Variants in RELA observed in about 807,000 individuals in gnomAD.
The protein encoded by RELA is transcription factor p65.
A neutral mutation model predicts 56.7 loss-of-function variants in RELA; 14 were observed. That is an observed-to-expected ratio of 0.25 (90% confidence interval 0.16 to 0.39). RELA has a LOEUF of 0.39. Ranked by LOEUF, RELA falls within the 10% of genes least tolerant of loss-of-function variation. The pLI, the probability that RELA is intolerant of heterozygous loss-of-function variation, is 1.00. For synonymous variants in RELA, 315 were observed against 289.7 expected (o/e 1.09, Z -0.89); for missense variants, 559 against 736.4 (o/e 0.76, Z 2.79).
chr11:65,660,465 C>G, intron 4 of RELA: 1 of 561,664 alleles, frequency 1.8e-6, no homozygotes, highest in Non-Finnish European at 3.2e-6. Flanking sequence ...CTTTTCCACT[C>G]TCTAAACACA....
upstream of RELA, among the ~76,000 whole-genome samples, chr11:65,663,316 C>T (rs77113330): frequency 4.2e-3 from 642 of 152,350 alleles, 3 homozygotes; most frequent in Non-Finnish European, 7.0e-3. Context: ...GCCTTCTGCT[C>T]CGCAGAGGCC....
chr11:65,654,408 G>T lies in RELA; in HGVS notation c.1626C>A (p.Phe542Leu), dbSNP rs1227655115. 6.2e-7 allele frequency: 1 copy of T among 1,612,714 alleles called. No individual in the cohort carries two copies. Among genetic ancestry groups the T allele is most frequent in the East Asian group, 2.2e-5 (1 of 44,852 alleles). The change falls in exon 11 of 11, where the codon TTC (phenylalanine) becomes TTA (leucine). Residue 542 changes from phenylalanine (F) to leucine (L), a missense_variant. Transcript: ENST00000406246. ...AGCTGATCTGACTCAGCAGGGCTGA[G>T]AAGTCCATGTCCGCAATGGAGGAGA... Reference protein sequence around the residue: ...EDFSSIADMDFSALLSQISS With the variant: ...EDFSSIADMDLSALLSQISS
intron 1 of RELA, chr11:65,662,523 C>T (rs1484913316): frequency 1.1e-5 from 5 of 449,618 alleles, no homozygotes; most frequent in Non-Finnish European, 1.9e-5. Flanking sequence ...ATGCGTTCTC[C>T]CCTAATAGGG....
chr11:65,659,316 C>G (rs911115310), intron 6 of RELA, among the ~76,000 whole-genome samples: 3 of 152,326 alleles, frequency 2.0e-5, no homozygotes, highest in South Asian at 4.1e-4. Flanking sequence ...GGGCTTCCAT[C>G]ACTGAATCAT....
At chr11:65,659,842 A>G in intron 5 of RELA, 45 bp from the exon 6 acceptor site, 8 of 1,574,504 alleles carry the variant, frequency 5.1e-6, no homozygotes, top group Non-Finnish European at 6.9e-6. Flanking sequence ...AAGTGGGGAT[A>G]TAGGTGCTAT....
intron 8 of RELA, among the ~76,000 whole-genome samples, chr11:65,657,218 C>G (rs1381890521): frequency 6.6e-6 from 1 of 152,164 alleles, no homozygotes; most frequent in Non-Finnish European, 1.5e-5. Context: ...GAGGCAACAG[C>G]TAGACACAGG....
In RELA at chr11:65,655,015, C is replaced by G. The variant is rs200549745; in HGVS notation, c.1034-15G>C. ...GGGCTGGGGTGCTGGAGGAGAGAGA[C>G]AGAGAGGCAGGGGTCAGAGAAAGCC... On this transcript the variant is annotated splice_polypyrimidine_tract_variant and intron_variant, in intron 10 of 10. Coordinates refer to ENST00000406246, the MANE Select transcript of RELA (RefSeq NM_021975.4). 1,845 of 1,580,222 alleles carry G rather than the reference C, an allele frequency of 1.2e-3. 13 individuals carry two copies. Among genetic ancestry groups the G allele is most frequent in the Middle Eastern group, 8.0e-3 (48 of 6,008 alleles).
In RELA at chr11:65,654,827, G is replaced by C. The variant is rs1263055359; in HGVS notation, c.1207C>G (p.Leu403Val). 4.5e-6 allele frequency: 7 copies of C among 1,548,804 alleles called. No homozygotes were observed. The African/African-American group carries it at 8.2e-5, about 18-fold the overall frequency. Residue 403 changes from leucine to valine, a missense_variant, in exon 11 of 11, where the codon CTG becomes GTG. Leu to Val is a conservative substitution (Grantham distance 32). Coordinates refer to ENST00000406246, the MANE Select transcript of RELA (RefSeq NM_021975.4). Reference sequence around the variant, plus strand: ...GGGACAGGGGCTGGGGCCTGGGCCAGAGCTGATACCATGGCTGGAGCAGGG... The same window carrying C: ...GGGACAGGGGCTGGGGCCTGGGCCACAGCTGATACCATGGCTGGAGCAGGG... The part of the protein sequence containing the change: ...PAPAPAMVSA[L>V]AQAPAPVPVL...
At chr11:65,662,256 C>G (rs1767759879) in intron 1 of RELA, 51 bp from the exon 2 acceptor site, 2 of 1,492,690 alleles carry the variant, frequency 1.3e-6, no homozygotes, top group South Asian at 2.8e-5. Context: ...CCCATTCTCA[C>G]AAGGAGGAAT....
At position 65,662,698 on chromosome 11, in the gene RELA, C is replaced by T. The variant is rs529211253; in HGVS notation, c.7+128G>A. ...GCCTGCCCCGCCCCGCGCCACCATC[C>T]GGCAGGCCGACCGCTCCCTGCGCAG... On this transcript the variant is annotated intron_variant, in intron 1 of 10. Transcript: ENST00000406246. 5.6e-6 allele frequency: 4 copies of T among 718,406 alleles called. No individual in the cohort carries two copies. In the African/African-American group the frequency reaches 5.6e-5, roughly 10 times the overall value. 44.5% of individuals were successfully genotyped at this position (718,406 alleles called of 1,614,324 possible).
chr11:65,661,101 C>T (rs1261521256), intron 4 of RELA, among the ~76,000 whole-genome samples: 5 of 150,510 alleles, frequency 3.3e-5, no homozygotes, highest in African/African-American at 1.2e-4. Flanking sequence ...GTGGTGCAAT[C>T]ATAGCTTGCC....
At position 65,662,841 on chromosome 11, in the gene RELA, T is replaced by A; in HGVS notation, c.-9A>T. 8.4e-7 allele frequency: 1 copy of A among 1,197,046 alleles called. No individual in the cohort carries two copies. The highest frequency in any genetic ancestry group is 1.6e-5 in the African/African-American group (1 of 62,936). The allele number at this position is 1,197,046 out of a possible 1,614,324, so 74.2% of individuals were successfully genotyped here. A position where few individuals can be genotyped will look rare whatever the true frequency, so the allele number is the denominator to read the frequency against. On this transcript the variant is annotated 5_prime_UTR_variant, in exon 1 of 11. Coordinates refer to ENST00000406246, the MANE Select transcript of RELA (RefSeq NM_021975.4). ...GCGACCTCACCGTCCATGGCCGGGG[T>A]CCCGGGGGCGGGGCCGGGGTCGCAG...
chr11:65,656,197 G>A (rs1005621973), intron 8 of RELA, among the ~76,000 whole-genome samples: 21 of 152,330 alleles, frequency 1.4e-4, no homozygotes, highest in African/African-American at 4.8e-4. Flanking sequence ...GCAAAGAGGA[G>A]ACCTGGGGGG....
chr11:65,663,417 C>T (rs2135578219), upstream of RELA, among the ~76,000 whole-genome samples: 1 of 152,314 alleles, frequency 6.6e-6, no homozygotes, highest in East Asian at 1.9e-4. Context: ...TCCTACCCAC[C>T]CCAATCTAGA....
chr11:65,656,341 CTCTTAT>C (rs934369544), intron 8 of RELA, among the ~76,000 whole-genome samples: 5 of 152,326 alleles, frequency 3.3e-5, no homozygotes, highest in African/African-American at 1.2e-4. Flanking sequence ...TCAGCAGAGA[CTCTTAT>C]TCTTATCTCT....
In RELA at chr11:65,662,847, G is replaced by T; in HGVS notation, c.-15C>A. 1 of 1,194,998 alleles carries T rather than the reference G, an allele frequency of 8.4e-7. No individual in the cohort carries two copies. Among genetic ancestry groups the T allele is most frequent in the Non-Finnish European group, 1.0e-6 (1 of 964,206 alleles). The allele number at this position is 1,194,998 out of a possible 1,614,324, so 74.0% of individuals were successfully genotyped here. On this transcript the variant is annotated 5_prime_UTR_variant, in exon 1 of 11. Coordinates refer to ENST00000406246, the MANE Select transcript of RELA (RefSeq NM_021975.4). ...TCACCGTCCATGGCCGGGGTCCCGG[G>T]GGCGGGGCCGGGGTCGCAGCTGGGC... is the stretch of plus-strand genomic sequence containing the variant.
upstream of RELA, chr11:65,663,111 G>A: frequency 4.2e-6 from 1 of 237,280 alleles, no homozygotes; most frequent in South Asian, 1.8e-4. Context: ...CGTGCCCGGT[G>A]GCTCGGCTAG....
intron 8 of RELA, 75 bp from the exon 9 acceptor site, chr11:65,656,010 A>C: frequency 8.0e-7 from 1 of 1,251,980 alleles, no homozygotes. Context: ...GTCCCTCAGG[A>C]GGAAGGGGAG....
intron 9 of RELA, 33 bp from the exon 10 acceptor site, chr11:65,655,795 C>G (rs370590730): frequency 1.9e-6 from 3 of 1,613,252 alleles, no homozygotes; most frequent in East Asian, 2.2e-5. Flanking sequence ...GTTCTCAGCC[C>G]CAGGGTGTCC....
Sources: gnomAD v4.1 joint callset for allele counts (sites outside exome capture counted in the v4.1 genomes callset) on GRCh38, gnomAD v4.1.1 for gene constraint, MANE v1.5 for transcripts, NCBI Gene and HGNC (gene_info 2026-07-23, HGNC 2026-07-21) for gene names.